Variants in RAPGEF5 observed in about 807,000 individuals in gnomAD.
RAPGEF5 encodes the protein M-Ras-regulated GEF.
In RAPGEF5, 65 loss-of-function variants were observed where a neutral mutation model predicts 125.2. The observed-to-expected ratio is 0.52, with a 90% CI of 0.43 to 0.64. RAPGEF5 has a LOEUF of 0.64. Ranked by LOEUF, RAPGEF5 falls within the 30% of genes least tolerant of loss-of-function variation. The pLI, the probability that RAPGEF5 is intolerant of heterozygous loss-of-function variation, is 0.00. For missense variants in RAPGEF5, 958 were observed against 1,048.1 expected (o/e 0.91, Z 1.19); for synonymous variants, 391 against 385.9 (o/e 1.01, Z -0.16).
In RAPGEF5 at chr7:22,219,905, A is replaced by G; in HGVS notation, c.957T>C (p.Phe319=). The G allele has an allele frequency of 6.2e-7, 1 of 1,613,350 alleles. No individual in the cohort carries two copies. Among genetic ancestry groups the G allele is most frequent in the Non-Finnish European group, 8.5e-7 (1 of 1,179,482 alleles). Residue 319 remains phenylalanine (F), a synonymous_variant, in exon 9 of 26, where the codon TTT becomes TTC. Coordinates refer to ENST00000665637, the MANE Select transcript of RAPGEF5 (RefSeq NM_012294.5). ...CCTGTTCTTTTTTGTCCGTCTGCAA[A>G]AACTGATAGTTTTCTTTTGCCAGCT... The part of the protein sequence containing the change: ...VQKLAKENYQ[F]LQTDKKEQEK...
chr7:22,193,308 G>C (rs1276510528), intron 11 of RAPGEF5, 59 bp downstream of exon 11: 2 of 1,521,306 alleles, frequency 1.3e-6, no homozygotes, highest in East Asian at 4.9e-5. Context: ...GCCCCTGAGG[G>C]TACTGACAAG....
Position 22,357,046 on chromosome 7 carries a change from C to G in RAPGEF5, c.15G>C (p.Val5=). 1 of 1,036,898 alleles carries G rather than the reference C, an allele frequency of 9.6e-7. No homozygotes were observed. Among genetic ancestry groups the G allele is most frequent in the South Asian group, 4.3e-5 (1 of 23,108 alleles). The allele number at this position is 1,036,898 out of a possible 1,614,324, so 64.2% of individuals were successfully genotyped here. A position where few individuals can be genotyped will look rare whatever the true frequency, so the allele number is the denominator to read the frequency against. The change falls in exon 1 of 26, where the codon GTG becomes GTC. Residue 5 remains valine (V), a synonymous_variant. Coordinates refer to ENST00000665637, the MANE Select transcript of RAPGEF5 (RefSeq NM_012294.5). ...ACGGCGGCTGCATCTTGACGGAGCC[C>G]ACGGCCATCCTCATGCCCTGACGGC... MRMA[V]GSVKMQPPCE...
intron 8 of RAPGEF5, among the ~76,000 whole-genome samples, chr7:22,226,067 A>T (rs1785910961): frequency 6.6e-6 from 1 of 152,220 alleles, no homozygotes; most frequent in Non-Finnish European, 1.5e-5. Flanking sequence ...AGTTCTTTGT[A>T]TTAAAACATT....
chr7:22,235,854 T>C (rs1786173097), intron 7 of RAPGEF5, among the ~76,000 whole-genome samples: 1 of 152,218 alleles, frequency 6.6e-6, no homozygotes, highest in African/African-American at 2.4e-5. Context: ...TTGCTATCAA[T>C]ATATATAATC....
intron 12 of RAPGEF5, among the ~76,000 whole-genome samples, chr7:22,164,683 T>C (rs1431549215): frequency 1.3e-5 from 2 of 152,208 alleles, no homozygotes; most frequent in African/African-American, 4.8e-5. Context: ...GATACAGACA[T>C]TCTTTTACAT....
intron 1 of RAPGEF5, among the ~76,000 whole-genome samples, chr7:22,352,411 TA>T (rs34628255): frequency 0.016 from 2,436 of 149,650 alleles, 27 homozygotes; most frequent in Non-Finnish European, 0.024. Flanking sequence ...ATTGTCAGTT[TA>T]AAAAAAAAAA....
At position 22,284,088 on chromosome 7, in the gene RAPGEF5, T is replaced by TGTGCGC. The variant is rs4000939; in HGVS notation, c.747+7086_747+7087insGCGCAC. Among the ~76,000 whole-genome samples the TGTGCGC allele has an allele frequency of 3.2e-3, 482 of 151,452 alleles. 3 individuals are homozygous for TGTGCGC. Among genetic ancestry groups the TGTGCGC allele is most frequent in the African/African-American group, 0.011 (438 of 41,254 alleles). ...AAAGCTGTGTGTGTGTGTGTGTGTG[T>TGTGCGC]GCGCGTGCATGTGGCAACCTGTATA... On this transcript the variant is annotated intron_variant, in intron 6 of 25. Coordinates refer to ENST00000665637, the MANE Select transcript of RAPGEF5 (RefSeq NM_012294.5).
rs962000073 is a variant in RAPGEF5 at position 22,119,271 on chromosome 7, A to G, written c.*3135T>C. On this transcript the variant is annotated 3_prime_UTR_variant, in exon 26 of 26. Transcript: ENST00000665637. This position sits in a 1 kb window ranked among gnomAD's most constrained non-coding sequence, Gnocchi z 4.1. ...ATGCAGCATCCTCTCCCTGTGGACT[A>G]GGCAGTGTGAGCACTGACCTTATCC... 1.3e-5 allele frequency: 2 copies of G among 152,210 alleles called. No individual in the cohort carries two copies. Among genetic ancestry groups the G allele is most frequent in the African/African-American group, 4.8e-5 (2 of 41,448 alleles). 9.4% of individuals were successfully genotyped at this position (152,210 alleles called of 1,614,324 possible). A position where few individuals can be genotyped will look rare whatever the true frequency, so the allele number is the denominator to read the frequency against.
In RAPGEF5 at chr7:22,341,586, G is replaced by A. The variant is rs905713248; in HGVS notation, c.231+15244C>T. The stretch of plus-strand genomic sequence containing the variant: ...AGCCTGTAAAATCAAAAGCAAGTTA[G>A]TTACTTCCTAAATACAACGGGGGTG... On this transcript the variant is annotated intron_variant, in intron 1 of 25. Coordinates refer to ENST00000665637, the MANE Select transcript of RAPGEF5 (RefSeq NM_012294.5). Among the ~76,000 whole-genome samples the A allele has an allele frequency of 2.0e-4, 31 of 152,234 alleles. 1 individual carries two copies. The highest frequency in any genetic ancestry group is 8.8e-5 in the Non-Finnish European group (6 of 68,044).
At chr7:22,320,796 A>G (rs1306730237) in intron 1 of RAPGEF5, among the ~76,000 whole-genome samples, 1 of 152,202 alleles carries the variant, frequency 6.6e-6, no homozygotes, top group African/African-American at 2.4e-5. Context: ...ACAAGATACC[A>G]TCCTTAATTT....
At position 22,318,052 on chromosome 7, in the gene RAPGEF5, GA is replaced by G. The variant is rs201720761; in HGVS notation, c.232-16del. Reference sequence around the variant, plus strand: ...CTTGATAGAGTCTATTTTAAACAAAGAAAAAAAAAATAGTTAGAACCAAATA... The same window carrying G: ...CTTGATAGAGTCTATTTTAAACAAAGAAAAAAAAATAGTTAGAACCAAATA... On this transcript the variant is annotated splice_polypyrimidine_tract_variant and intron_variant, in intron 1 of 25. Coordinates refer to ENST00000665637, the MANE Select transcript of RAPGEF5 (RefSeq NM_012294.5). The G allele has an allele frequency of 0.042, 52,463 of 1,250,620 alleles. 1,327 individuals are homozygous for G. Among genetic ancestry groups the G allele is most frequent in the African/African-American group, 0.14 (7,537 of 52,182 alleles). The allele number at this position is 1,250,620 out of a possible 1,614,324, so 77.5% of individuals were successfully genotyped here. A position where few individuals can be genotyped will look rare whatever the true frequency, so the allele number is the denominator to read the frequency against.
rs1782297466 is a variant in RAPGEF5, at chr7:22,266,955, A to G, written c.796+9T>C. 1 of 1,603,770 alleles carries G rather than the reference A, an allele frequency of 6.2e-7. No individual in the cohort carries two copies. Among genetic ancestry groups the G allele is most frequent in the African/African-American group, 1.3e-5 (1 of 74,652 alleles). On this transcript the variant is annotated intron_variant, in intron 7 of 25. Transcript: ENST00000665637. ...GAATCTTCCTCCAGCCCCATAAAAG[A>G]TGACTTACCAGACTTCCTTGCTTTC...
chr7:22,159,800 A>G (rs1323705855), intron 14 of RAPGEF5, among the ~76,000 whole-genome samples: 1 of 139,990 alleles, frequency 7.1e-6, no homozygotes, highest in Non-Finnish European at 1.5e-5. Context: ...GGGAACCCAT[A>G]AAATTGAGCT....
intron 8 of RAPGEF5, among the ~76,000 whole-genome samples, chr7:22,220,695 G>C (rs775079791): frequency 2.6e-4 from 39 of 148,700 alleles, no homozygotes; most frequent in Non-Finnish European, 3.9e-4. Context: ...GGAGGAAGGT[G>C]AATCTAAGAC....
chr7:22,132,970 T>C lies in RAPGEF5; in HGVS notation c.2417-1869A>G, dbSNP rs552638328. On this transcript the variant is annotated intron_variant, in intron 23 of 25. Coordinates refer to ENST00000665637, the MANE Select transcript of RAPGEF5 (RefSeq NM_012294.5). Reference sequence around the variant, plus strand: ...GCTGGCTCCCCCTCACCACTGCGCCTCTCCAGGCACCTCAAGTGGAAAGGA... The same window carrying C: ...GCTGGCTCCCCCTCACCACTGCGCCCCTCCAGGCACCTCAAGTGGAAAGGA... Among the ~76,000 whole-genome samples, 5 of 152,304 alleles carry C rather than the reference T, an allele frequency of 3.3e-5. No homozygotes were observed. In the South Asian group the frequency reaches 8.3e-4, roughly 25 times the overall value.
intron 11 of RAPGEF5, among the ~76,000 whole-genome samples, chr7:22,190,400 C>T (rs1389318032): frequency 2.6e-5 from 4 of 152,128 alleles, no homozygotes; most frequent in Non-Finnish European, 2.9e-5. Flanking sequence ...AAATAGTATA[C>T]ATAGTAGGTG....
intron 23 of RAPGEF5, among the ~76,000 whole-genome samples, chr7:22,134,649 C>T (rs955130386): frequency 1.3e-5 from 2 of 152,148 alleles, no homozygotes; most frequent in African/African-American, 4.8e-5. Flanking sequence ...GCAATCAATT[C>T]CTTTCCTACA....
At chr7:22,160,496 A>G (rs1360034149) in intron 14 of RAPGEF5, 22 bp downstream of exon 14, 2 of 1,533,120 alleles carry the variant, frequency 1.3e-6, no homozygotes, top group South Asian at 1.2e-5. Context: ...ATTAACTATA[A>G]TTAGGAAAAT....
At chr7:22,187,520 C>G (rs370192711) in intron 11 of RAPGEF5, among the ~76,000 whole-genome samples, 1 of 152,200 alleles carries the variant, frequency 6.6e-6, no homozygotes, top group Non-Finnish European at 1.5e-5. Context: ...TGTGACAGAA[C>G]CCACACAAAA....
Sources: allele counts gnomAD v4.1 joint callset (sites outside exome capture counted in the v4.1 genomes callset), GRCh38; gene constraint gnomAD v4.1.1; non-coding constraint Gnocchi (gnomAD v3.1); transcripts MANE v1.5; gene names NCBI Gene and HGNC (gene_info 2026-07-23, HGNC 2026-07-21).